Variants in KDM4C observed in about 807,000 individuals in gnomAD.
KDM4C encodes lysine demethylase 4C.
KDM4C carries 81 observed loss-of-function variants against 129.3 expected under a neutral mutation model. That is an observed-to-expected ratio of 0.63 (90% CI 0.52 to 0.75). The LOEUF is 0.75. Among genes scored for constraint, KDM4C ranks in the 30% least tolerant of loss-of-function variants. KDM4C has a pLI of 0.00. For synonymous variants in KDM4C, 573 were observed against 456.1 expected (o/e 1.26, Z -3.26); for missense variants, 1,457 against 1,304.0 (o/e 1.12, Z -1.81).
chr9:6,727,636 A>G lies in KDM4C; in HGVS notation c.49+6639A>G, dbSNP rs1198699993. ...GTACTAGTGTTGTAACTTTCCAAGTAAAAGTATCCCTAAAGGCCACTTCCT... is the reference window on the plus strand; with the variant it reads ...GTACTAGTGTTGTAACTTTCCAAGTGAAAGTATCCCTAAAGGCCACTTCCT... On this transcript the variant is annotated intron_variant, in intron 1 of 17. Transcript: ENST00000536108. Among the ~76,000 whole-genome samples the G allele has an allele frequency of 2.8e-5, 3 of 105,600 alleles. 1 individual carries two copies. The South Asian group carries it at 8.9e-4, about 31-fold the overall frequency. The allele number at this position is 105,600 out of a possible 152,430, so 69.3% of individuals were successfully genotyped here.
chr9:6,967,169 A>T (rs953520271), intron 8 of KDM4C, among the ~76,000 whole-genome samples: 2 of 152,200 alleles, frequency 1.3e-5, no homozygotes, highest in Admixed American at 6.5e-5. Flanking sequence ...CACACCTGTA[A>T]TCCCAGCACT....
At position 6,986,611 on chromosome 9, in the gene KDM4C, C is replaced by G; in HGVS notation, c.1622C>G (p.Pro541Arg). 6.2e-7 allele frequency: 1 copy of G among 1,613,956 alleles called. No homozygotes were observed. The highest frequency in any genetic ancestry group is 8.5e-7 in the Non-Finnish European group (1 of 1,179,902). Residue 541 changes from proline (P) to arginine (R), a missense_variant, in exon 11 of 22, where the codon CCT (proline) becomes CGT (arginine). Transcript: ENST00000381309. Reference protein sequence around the residue: ...DVESHGNGLEPGEIPAVPSGE... With the variant: ...DVESHGNGLERGEIPAVPSGE... The stretch of plus-strand genomic sequence containing the variant: ...GAGAGCCATGGGAATGGCCTTGAAC[C>G]TGGGGAAATCCCAGCGGTCCCCAGT...
At chr9:7,132,989 C>G (rs993185024) in intron 19 of KDM4C, among the ~76,000 whole-genome samples, 1 of 152,178 alleles carries the variant, frequency 6.6e-6, no homozygotes, top group African/African-American at 2.4e-5. Flanking sequence ...AAACAATACT[C>G]TTCAAGATTC....
chr9:7,005,435 C>CAAAA (rs35671520), intron 12 of KDM4C, among the ~76,000 whole-genome samples: 1 of 124,078 alleles, frequency 8.1e-6, no homozygotes. Flanking sequence ...AACTCTGTCT[C>CAAAA]AAAAAAAAAA....
intron 8 of KDM4C, among the ~76,000 whole-genome samples, chr9:6,914,157 T>A (rs552735302): frequency 6.6e-6 from 1 of 152,208 alleles, no homozygotes; most frequent in Non-Finnish European, 1.5e-5. Flanking sequence ...CTTCCCAGGT[T>A]CAAGCGATTC....
intron 8 of KDM4C, chr9:6,924,642 T>C: frequency 4.0e-6 from 2 of 500,118 alleles, no homozygotes; most frequent in Non-Finnish European, 5.2e-6. Flanking sequence ...TTAGATCTTC[T>C]CTGATTATTC....
intron 12 of KDM4C, among the ~76,000 whole-genome samples, chr9:7,001,261 T>G (rs961011361): frequency 6.6e-6 from 1 of 152,248 alleles, no homozygotes; most frequent in Non-Finnish European, 1.5e-5. Context: ...ACAGAGATTT[T>G]TGTTGTGCTT....
At chr9:6,883,665 G>A (rs997581950) in intron 6 of KDM4C, among the ~76,000 whole-genome samples, 4 of 152,186 alleles carry the variant, frequency 2.6e-5, no homozygotes, top group Admixed American at 6.5e-5. Flanking sequence ...ACCGAGAATG[G>A]AGAGGAAGAA....
At chr9:7,106,523 T>C (rs778559519) in intron 18 of KDM4C, among the ~76,000 whole-genome samples, 1 of 152,232 alleles carries the variant, frequency 6.6e-6, no homozygotes, top group African/African-American at 2.4e-5. Context: ...GTTGCTTCAA[T>C]AGAGTCTCCA....
intron 1 of KDM4C, among the ~76,000 whole-genome samples, chr9:6,731,044 G>C (rs187498745): frequency 3.4e-4 from 51 of 152,198 alleles, no homozygotes; most frequent in Admixed American, 9.8e-4. Context: ...CCCTCTTTTG[G>C]TCATTTTCTC....
At chr9:7,102,530 A>G (rs993043188) in intron 17 of KDM4C, among the ~76,000 whole-genome samples, 1 of 152,148 alleles carries the variant, frequency 6.6e-6, no homozygotes, top group East Asian at 1.9e-4. Context: ...GGGCGGAGGC[A>G]GTGGCAGTTG....
intron 17 of KDM4C, among the ~76,000 whole-genome samples, chr9:7,051,489 C>T (rs984128800): frequency 1.3e-5 from 2 of 152,056 alleles, no homozygotes; most frequent in Admixed American, 6.6e-5. Context: ...GCCTGTATGT[C>T]GTGTTAAGGG....
At chr9:7,054,404 C>G (rs964481706) in intron 17 of KDM4C, among the ~76,000 whole-genome samples, 5 of 152,114 alleles carry the variant, frequency 3.3e-5, no homozygotes, top group Non-Finnish European at 5.9e-5. Context: ...AAATTGTGCA[C>G]AGACAAAAAC....
intron 1 of KDM4C, among the ~76,000 whole-genome samples, chr9:6,782,656 CAA>C (rs1352796763): frequency 6.6e-6 from 1 of 152,034 alleles, no homozygotes; most frequent in Non-Finnish European, 1.5e-5. Flanking sequence ...GCAAAGGTTT[CAA>C]GTGGGCAAAA....
rs571378238 is a variant in KDM4C, at chr9:6,928,575, A to G, written c.921+35343A>G. Among the ~76,000 whole-genome samples the G allele has an allele frequency of 3.3e-5, 5 of 150,218 alleles. No individual in the cohort carries two copies. In the South Asian group the frequency reaches 1.1e-3, roughly 32 times the overall value. ...TTCAAATGTTACGTCGGTATCCTGG[A>G]CTATAGTATATCACCTATGTCCTCT... On this transcript the variant is annotated intron_variant, in intron 8 of 21. Transcript: ENST00000381309.
intron 15 of KDM4C, among the ~76,000 whole-genome samples, chr9:7,031,484 C>A (rs946741012): frequency 2.0e-5 from 3 of 152,044 alleles, no homozygotes; most frequent in African/African-American, 4.8e-5. Flanking sequence ...ATTGTAGTAA[C>A]AATTAGATAT....
At chr9:7,058,566 C>T (rs1057176666) in intron 17 of KDM4C, among the ~76,000 whole-genome samples, 11 of 152,242 alleles carry the variant, frequency 7.2e-5, no homozygotes, top group Admixed American at 4.6e-4. Flanking sequence ...CTGGCACTTA[C>T]CATACATCAA....
chr9:6,840,785 T>C (rs1438025722), intron 4 of KDM4C, among the ~76,000 whole-genome samples: 2 of 152,248 alleles, frequency 1.3e-5, no homozygotes, highest in Non-Finnish European at 2.9e-5. Flanking sequence ...GTTTTGCTTT[T>C]GTTTTCCTAG....
intron 1 of KDM4C, among the ~76,000 whole-genome samples, chr9:6,730,231 A>G (rs1175668927): frequency 6.6e-6 from 1 of 152,304 alleles, no homozygotes; most frequent in South Asian, 2.1e-4. Flanking sequence ...TCCTGATCCT[A>G]ATTTCCTGGA....
Sources: gnomAD v4.1 joint callset for allele counts (sites outside exome capture counted in the v4.1 genomes callset) on GRCh38, gnomAD v4.1.1 for gene constraint, MANE v1.5 for transcripts, NCBI Gene and HGNC (gene_info 2026-07-23, HGNC 2026-07-21) for gene names.